Variants in EEIG1 observed in about 807,000 individuals in gnomAD.
EEIG1 encodes the protein estrogen-induced osteoclastogenesis regulator 1.
At chr9:127,968,631 G>A in the EEIG1 span, among the ~76,000 whole-genome samples, 1 of 152,172 alleles carries the variant, frequency 6.6e-6, no homozygotes, top group Non-Finnish European at 1.5e-5. Context: ...AAGGGGCCAG[G>A]GGTCACTGCC....
chr9:127,946,827 C>G, the EEIG1 span, among the ~76,000 whole-genome samples: 1 of 152,226 alleles, frequency 6.6e-6, no homozygotes, highest in Admixed American at 6.5e-5. Flanking sequence ...CAGAATCACT[C>G]GGCAAGCATC....
chr9:127,955,969 G>A, the EEIG1 span, among the ~76,000 whole-genome samples: 27 of 152,344 alleles, frequency 1.8e-4, no homozygotes, highest in East Asian at 4.6e-3. Flanking sequence ...TGCCTGGCCC[G>A]GTGAAGGCTC....
At chr9:127,958,421 T>C in the EEIG1 span, among the ~76,000 whole-genome samples, 1 of 152,110 alleles carries the variant, frequency 6.6e-6, no homozygotes, top group Non-Finnish European at 1.5e-5. Flanking sequence ...TCCCAGCACT[T>C]TCGGAGGCCA....
the EEIG1 span, chr9:127,943,405 G>T: frequency 6.2e-6 from 4 of 647,568 alleles, no homozygotes; most frequent in Non-Finnish European, 1.1e-5. Flanking sequence ...TGCCCACAGT[G>T]ACACAGATAG....
the EEIG1 span, chr9:127,945,475 C>T: frequency 6.4e-7 from 1 of 1,565,770 alleles, no homozygotes; most frequent in Non-Finnish European, 8.6e-7. This position sits in a 1 kb window ranked among gnomAD's most constrained non-coding sequence, Gnocchi z 6.5. Context: ...CATGCCAAGG[C>T]CCCCAGAGGC....
the EEIG1 span, among the ~76,000 whole-genome samples, chr9:127,967,396 G>T: frequency 6.6e-6 from 1 of 152,172 alleles, no homozygotes; most frequent in Non-Finnish European, 1.5e-5. Context: ...GGAAATTGAG[G>T]CCCCAGAGCA....
the EEIG1 span, among the ~76,000 whole-genome samples, chr9:127,971,247 G>A: frequency 6.6e-6 from 1 of 152,220 alleles, no homozygotes; most frequent in Non-Finnish European, 1.5e-5. Context: ...GTTTGATGGA[G>A]GAGGAAGCTG....
chr9:127,980,106 T>C, the EEIG1 span: 4 of 1,613,340 alleles, frequency 2.5e-6, no homozygotes, highest in South Asian at 3.3e-5. Context: ...AGTTTGGAAT[T>C]TGAATTTCTT....
chr9:127,946,156 C>G, the EEIG1 span, among the ~76,000 whole-genome samples: 1 of 152,174 alleles, frequency 6.6e-6, no homozygotes, highest in African/African-American at 2.4e-5. Flanking sequence ...CTGGAGGGAG[C>G]CAGCTAAGGC....
At chr9:127,942,728 A>G in the EEIG1 span, 2,272 of 173,004 alleles carry the variant, frequency 0.013, 141 homozygotes, top group East Asian at 0.2. Flanking sequence ...GGGCAAGGGA[A>G]CAACGGAGCA....
At chr9:127,941,720 G>C in the EEIG1 span, 2 of 152,196 alleles carry the variant, frequency 1.3e-5, no homozygotes, top group African/African-American at 4.8e-5. Flanking sequence ...CTCCCAGAGA[G>C]AGAAGCCCCC....
the EEIG1 span, among the ~76,000 whole-genome samples, chr9:127,964,401 G>C: frequency 6.6e-6 from 1 of 152,156 alleles, no homozygotes; most frequent in Non-Finnish European, 1.5e-5. Context: ...ACAACCCCAG[G>C]TCTCCATCAC....
chr9:127,971,024 G>A, the EEIG1 span, among the ~76,000 whole-genome samples: 2 of 152,202 alleles, frequency 1.3e-5, no homozygotes, highest in Non-Finnish European at 2.9e-5. Flanking sequence ...TGTCTGGGGG[G>A]AGCCTAGGGG....
the EEIG1 span, among the ~76,000 whole-genome samples, chr9:127,952,266 C>T: frequency 6.6e-6 from 1 of 152,248 alleles, no homozygotes. Flanking sequence ...GCCCAGCCGG[C>T]TGAGTTCCTG....
At chr9:127,960,121 G>A in the EEIG1 span, among the ~76,000 whole-genome samples, 2 of 152,236 alleles carry the variant, frequency 1.3e-5, no homozygotes, top group African/African-American at 4.8e-5. Flanking sequence ...GCGATGAGGT[G>A]TGGCTGCTTC....
the EEIG1 span, chr9:127,948,452 C>G: frequency 1.9e-6 from 3 of 1,605,344 alleles, no homozygotes; most frequent in South Asian, 3.3e-5. Context: ...CCCTGACCAC[C>G]CACAGCCTGC....
chr9:127,956,360 A>C, the EEIG1 span, among the ~76,000 whole-genome samples: 1 of 152,222 alleles, frequency 6.6e-6, no homozygotes, highest in East Asian at 1.9e-4. Context: ...AGATGACTTG[A>C]TCTTTTATAC....
the EEIG1 span, chr9:127,980,205 T>A: frequency 6.7e-7 from 1 of 1,490,514 alleles, no homozygotes; most frequent in Non-Finnish European, 9.2e-7. Context: ...TTCCTTTCCC[T>A]ACACCACACC....
the EEIG1 span, chr9:127,980,214 C>T: frequency 6.9e-7 from 1 of 1,450,534 alleles, no homozygotes; most frequent in East Asian, 2.4e-5. Context: ...CTACACCACA[C>T]CCCCTCCTCA....
Sources: allele counts gnomAD v4.1 joint callset (sites outside exome capture counted in the v4.1 genomes callset), GRCh38; gene constraint gnomAD v4.1.1; non-coding constraint Gnocchi (gnomAD v3.1); transcripts MANE v1.5; gene names NCBI Gene and HGNC (gene_info 2026-07-23, HGNC 2026-07-21).